PARP14: variants seen among roughly 807,000 people sequenced by gnomAD.
PARP14 encodes the protein protein mono-ADP-ribosyltransferase PARP14.
Under a neutral mutation model 154.2 loss-of-function variants are expected in PARP14, and 59 were observed. That is an observed-to-expected ratio of 0.38 (90% CI 0.31 to 0.48). The LOEUF (loss-of-function observed/expected upper bound fraction) is 0.48, where lower values mean the gene tolerates loss of function less well. Among genes scored for constraint, PARP14 ranks in the 20% least tolerant of loss-of-function variants. The pLI is 0.98. For missense variants in PARP14, 1,734 were observed against 2,131.6 expected (o/e 0.81, Z 3.67); for synonymous variants, 720 against 780.5 (o/e 0.92, Z 1.29).
intron 9 of PARP14, among the ~76,000 whole-genome samples, chr3:122,710,281 G>A (rs549356746): frequency 3.6e-4 from 55 of 152,240 alleles, no homozygotes; most frequent in African/African-American, 1.3e-3. Flanking sequence ...CATGTGGCTT[G>A]CCAGTTTTCC....
At chr3:122,691,632 A>C (rs1322831190) in intron 3 of PARP14, among the ~76,000 whole-genome samples, 1 of 152,196 alleles carries the variant, frequency 6.6e-6, no homozygotes, top group Non-Finnish European at 1.5e-5. Flanking sequence ...CAAGCAGTAA[A>C]TCTCCAATTC....
chr3:122,692,401 A>C lies in PARP14; in HGVS notation c.456A>C (p.Ala152=), dbSNP rs1187433066. Residue 152 remains alanine, a synonymous_variant, in exon 4 of 17, where the codon GCA becomes GCC. Coordinates refer to ENST00000474629, the MANE Select transcript of PARP14 (RefSeq NM_017554.3). ...GTGAAAATATTTCCTCTTTGGTGGC[A>C]TTTGAAAACCTCAAGGCAAATGTGA... ...EECENISSLV[A]FENLKANVTD... 6.2e-7 allele frequency: 1 copy of C among 1,613,916 alleles called. No homozygotes were observed. The highest frequency in any genetic ancestry group is 1.1e-5 in the South Asian group (1 of 91,084).
chr3:122,704,086 A>G, intron 7 of PARP14, 108 bp downstream of exon 7: 1 of 738,818 alleles, frequency 1.4e-6, no homozygotes, highest in South Asian at 1.8e-5. Flanking sequence ...TCTCTTCCAT[A>G]ATAATCACTC....
In PARP14 at chr3:122,718,250, C is replaced by G. The variant is rs1436645141; in HGVS notation, c.4180C>G (p.Gln1394Glu). 2 of 1,613,388 alleles carry G rather than the reference C, an allele frequency of 1.2e-6. No homozygotes were observed. Among genetic ancestry groups the G allele is most frequent in the Admixed American group, 3.3e-5 (2 of 59,890 alleles). Residue 1394 changes from glutamine (Q) to glutamate (E), a missense_variant, in exon 13 of 17, where the codon CAA (glutamine) becomes GAA (glutamate). Physicochemically the swap from Gln to Glu is conservative, Grantham distance 29. Coordinates refer to ENST00000474629, the MANE Select transcript of PARP14 (RefSeq NM_017554.3). ...AAGAGAAGGGACTCAGCTTTCTTCC[C>G]AACAGTCTGTGATGTCTAAACTTGC... ...KKREGTQLSS[Q>E]QSVMSKLASF... is the part of the protein sequence containing the mutation.
intron 3 of PARP14, among the ~76,000 whole-genome samples, chr3:122,691,404 G>T (rs1227078383): frequency 1.3e-5 from 2 of 152,230 alleles, no homozygotes; most frequent in Non-Finnish European, 2.9e-5. Context: ...ACAGTCAACA[G>T]TGGAGAGGAA....
intron 15 of PARP14, among the ~76,000 whole-genome samples, chr3:122,724,207 G>A (rs34971420): frequency 0.089 from 13,470 of 152,164 alleles, 691 homozygotes; most frequent in East Asian, 0.13. Flanking sequence ...ACCAAAAGTC[G>A]TGTGTTGCGT....
chr3:122,703,702 T>G, intron 6 of PARP14, 40 bp from the exon 7 acceptor site: 1 of 1,262,068 alleles, frequency 7.9e-7, no homozygotes, highest in East Asian at 2.4e-5. Flanking sequence ...TGAATGCTTT[T>G]TGTTAAAATT....
chr3:122,706,327 G>A (rs897179111), intron 8 of PARP14, among the ~76,000 whole-genome samples: 2 of 152,178 alleles, frequency 1.3e-5, no homozygotes, highest in Non-Finnish European at 1.5e-5. Flanking sequence ...AAAAAAATCA[G>A]CAAAGCTTAT....
At chr3:122,714,892 C>T (rs1439243000) in intron 12 of PARP14, among the ~76,000 whole-genome samples, 1 of 152,190 alleles carries the variant, frequency 6.6e-6, no homozygotes, top group Non-Finnish European at 1.5e-5. Flanking sequence ...CAGGCTTCAG[C>T]TCAACAGTCA....
At chr3:122,720,811 A>AT (rs1933148449) in intron 15 of PARP14, 1 of 456,942 alleles carries the variant, frequency 2.2e-6, no homozygotes, top group African/African-American at 2.0e-5. Context: ...CTCGTTTATC[A>AT]TAATTATTTT....
Position 122,685,169 on chromosome 3 carries a change from C to T in PARP14, c.188-16C>T. ...TGCTTGTCATTTGTCTTTTTTCCCC[C>T]CTTTGGACATTTCAGTTCGGCAGAA... On this transcript the variant is annotated splice_polypyrimidine_tract_variant and intron_variant, in intron 1 of 16. Coordinates refer to ENST00000474629, the MANE Select transcript of PARP14 (RefSeq NM_017554.3). 3.1e-6 allele frequency: 5 copies of T among 1,612,660 alleles called. No homozygotes were observed. Among genetic ancestry groups the T allele is most frequent in the Non-Finnish European group, 4.2e-6 (5 of 1,179,028 alleles).
At chr3:122,714,525 C>T in intron 12 of PARP14, 96 bp downstream of exon 12, 1 of 895,382 alleles carries the variant, frequency 1.1e-6, no homozygotes, top group Middle Eastern at 2.8e-4. Flanking sequence ...TGAGTCTGAC[C>T]CAGGGCAGCA....
chr3:122,685,222 G>A lies in PARP14; in HGVS notation c.225G>A (p.Leu75=). The A allele has an allele frequency of 3.1e-6, 5 of 1,613,732 alleles. No homozygotes were observed. The highest frequency in any genetic ancestry group is 4.2e-6 in the Non-Finnish European group (5 of 1,179,746). ...TTCTGGAGAGAAAAAATCATGAGTTGGTATGGCAAGGAAAAGGAACATTCA... is the reference window on the plus strand; with the variant it reads ...TTCTGGAGAGAAAAAATCATGAGTTAGTATGGCAAGGAAAAGGAACATTCA... ...QKVLERKNHE[L]VWQGKGTFKL... is the part of the protein sequence containing the mutation. The change falls in exon 2 of 17, where the codon TTG becomes TTA. Residue 75 remains leucine, a synonymous_variant. Coordinates refer to ENST00000474629, the MANE Select transcript of PARP14 (RefSeq NM_017554.3).
chr3:122,727,512 G>C (rs1435872831), intron 15 of PARP14, among the ~76,000 whole-genome samples: 1 of 152,202 alleles, frequency 6.6e-6, no homozygotes. Flanking sequence ...TGTGTAAAAA[G>C]CAGAAGTTGC....
intron 15 of PARP14, among the ~76,000 whole-genome samples, chr3:122,724,299 T>G (rs1016422387): frequency 1.2e-5 from 1 of 80,888 alleles, no homozygotes; most frequent in Non-Finnish European, 3.4e-5. Flanking sequence ...GTATTTATGT[T>G]TTCTTTTTTT....
At chr3:122,691,228 G>A (rs1166963554) in intron 3 of PARP14, among the ~76,000 whole-genome samples, 2 of 152,094 alleles carry the variant, frequency 1.3e-5, no homozygotes, top group African/African-American at 2.4e-5. Flanking sequence ...CTTAACTAAT[G>A]TTTTTTTATA....
At chr3:122,720,234 C>T (rs1459102792) in intron 14 of PARP14, 21 bp from the exon 15 acceptor site, 1 of 1,609,892 alleles carries the variant, frequency 6.2e-7, no homozygotes, top group Non-Finnish European at 8.5e-7. Flanking sequence ...ATGAGGGCAT[C>T]CTCAAATGTC....
At chr3:122,690,772 A>G (rs1938515913) in intron 3 of PARP14, among the ~76,000 whole-genome samples, 1 of 152,182 alleles carries the variant, frequency 6.6e-6, no homozygotes, top group Admixed American at 6.5e-5. Context: ...TCGTTCTCCC[A>G]AAGTGCTGGG....
At position 122,699,478 on chromosome 3, in the gene PARP14, G is replaced by C. The variant is rs779652877; in HGVS notation, c.924G>C (p.Leu308Phe). The C allele has an allele frequency of 6.8e-6, 11 of 1,613,824 alleles. No homozygotes were observed. In the East Asian group the frequency reaches 2.5e-4, roughly 36 times the overall value. Reference protein sequence around the residue: ...FPYYASLGTALYGKEKPLIKL... With the variant: ...FPYYASLGTAFYGKEKPLIKL... ...ACTATGCCTCATTGGGCACAGCCTT[G>C]TATGGAAAGGAGAAGCCTCTGATCA... Residue 308 changes from leucine to phenylalanine, a missense_variant, in exon 6 of 17, where the codon TTG becomes TTC. Around this residue, in one of 2 missense-constraint regions of PARP14, gnomAD observed 1,646 missense variants for 1,976.0 expected, o/e 0.83. Transcript: ENST00000474629.
Sources: allele counts gnomAD v4.1 joint callset (sites outside exome capture counted in the v4.1 genomes callset), GRCh38; gene constraint gnomAD v4.1.1; regional missense constraint gnomAD v4.1.1; transcripts MANE v1.5; gene names NCBI Gene and HGNC (gene_info 2026-07-23, HGNC 2026-07-21).